DNAH9: variants seen among roughly 807,000 people sequenced by gnomAD.
DNAH9 encodes DNAH9 variant protein.
DNAH9 carries 345 observed loss-of-function variants against 471.6 expected under a neutral mutation model. The observed-to-expected ratio is 0.73, with a 90% CI of 0.67 to 0.80. DNAH9 has a LOEUF of 0.80. Among genes scored for constraint, DNAH9 ranks in the 30% least tolerant of loss-of-function variants. The pLI, the probability that DNAH9 is intolerant of heterozygous loss-of-function variation, is 0.00. For synonymous variants in DNAH9, 2,093 were observed against 2,123.6 expected (o/e 0.99, Z 0.40); for missense variants, 5,407 against 5,609.2 (o/e 0.96, Z 1.15).
Position 11,929,943 on chromosome 17 carries a change from G to A in DNAH9, c.11955G>A (p.Glu3985=), listed in dbSNP as rs774679877. The A allele has an allele frequency of 1.1e-5, 18 of 1,613,940 alleles. No homozygotes were observed. Among genetic ancestry groups the A allele is most frequent in the Non-Finnish European group, 3.4e-6 (4 of 1,180,004 alleles). The change falls in exon 63 of 69, where the codon GAG becomes GAA. Residue 3985 remains glutamate (E), a synonymous_variant. Transcript: ENST00000262442. ...LEEHSENSHP[E]FRVFMSAEPA... is the part of the protein sequence containing the mutation. ...AGCACAGTGAGAACAGCCACCCAGA[G>A]TTCAGGGTCTTCATGAGTGCAGAGC...
intron 50 of DNAH9, among the ~76,000 whole-genome samples, chr17:11,863,029 C>T (rs1476873763): frequency 1.3e-5 from 2 of 152,116 alleles, no homozygotes; most frequent in African/African-American, 2.4e-5. Context: ...TCCTGCCTAA[C>T]TGCCCTGGAC....
intron 67 of DNAH9, among the ~76,000 whole-genome samples, chr17:11,952,989 G>A (rs192321183): frequency 4.6e-5 from 7 of 152,322 alleles, no homozygotes; most frequent in Admixed American, 1.3e-4. Context: ...CAGGGAGGCA[G>A]AGCCAGAAAA....
At chr17:11,761,717 G>T (rs12936861) in intron 35 of DNAH9, among the ~76,000 whole-genome samples, 45,744 of 151,808 alleles carry the variant, frequency 0.3, 7,167 homozygotes, top group South Asian at 0.37. Flanking sequence ...CCAGGCAAGA[G>T]TCCTTCACCA....
chr17:11,810,814 G>A (rs1969868572), intron 45 of DNAH9, among the ~76,000 whole-genome samples: 1 of 152,194 alleles, frequency 6.6e-6, no homozygotes, highest in African/African-American at 2.4e-5. Context: ...GGCAAGATGA[G>A]GTTACCAATG....
At chr17:11,710,483 G>T (rs2074809986) in intron 26 of DNAH9, among the ~76,000 whole-genome samples, 1 of 152,072 alleles carries the variant, frequency 6.6e-6, no homozygotes, top group South Asian at 2.1e-4. Flanking sequence ...AGTATTAATT[G>T]CACAACACCC....
intron 13 of DNAH9, among the ~76,000 whole-genome samples, chr17:11,651,556 G>T (rs2150701553): frequency 6.6e-6 from 1 of 151,960 alleles, no homozygotes; most frequent in African/African-American, 2.4e-5. Flanking sequence ...ATGCATGTTG[G>T]GAGGCTCAGA....
At chr17:11,941,967 C>G (rs1254416881) in intron 66 of DNAH9, among the ~76,000 whole-genome samples, 1 of 152,234 alleles carries the variant, frequency 6.6e-6, no homozygotes, top group Non-Finnish European at 1.5e-5. Context: ...CCAAGTCTGT[C>G]TTATGGCTTT....
At chr17:11,611,995 A>C (rs1220011643) in intron 4 of DNAH9, 1 of 610,688 alleles carries the variant, frequency 1.6e-6, no homozygotes, top group Non-Finnish European at 2.9e-6. Flanking sequence ...ATGGCCTGGG[A>C]AAATTCACCT....
chr17:11,602,911 G>C (rs2072415681), intron 1 of DNAH9, among the ~76,000 whole-genome samples: 1 of 152,114 alleles, frequency 6.6e-6, no homozygotes, highest in Non-Finnish European at 1.5e-5. Flanking sequence ...CTTTGATCCT[G>C]CTGGGAGCTC....
At chr17:11,628,551 G>A (rs1597405556) in intron 6 of DNAH9, among the ~76,000 whole-genome samples, 1 of 152,224 alleles carries the variant, frequency 6.6e-6, no homozygotes, top group Non-Finnish European at 1.5e-5. Flanking sequence ...TGGCGGCAGG[G>A]TGTAACATCC....
intron 26 of DNAH9, among the ~76,000 whole-genome samples, chr17:11,708,012 CACAGAGAG>C (rs1401363434): frequency 4.6e-4 from 23 of 50,096 alleles, no homozygotes; most frequent in Admixed American, 2.4e-3. Context: ...CACACACACA[CACAGAGAG>C]AGAGAGAGAG....
intron 65 of DNAH9, among the ~76,000 whole-genome samples, chr17:11,935,961 G>A (rs1974699805): frequency 6.6e-6 from 1 of 152,178 alleles, no homozygotes; most frequent in African/African-American, 2.4e-5. Flanking sequence ...GGAAAATTGT[G>A]CAACAGCGTC....
chr17:11,799,588 TTTG>T (rs1307358940), intron 43 of DNAH9, among the ~76,000 whole-genome samples: 6 of 152,070 alleles, frequency 3.9e-5, no homozygotes, highest in South Asian at 2.1e-4. Context: ...ACTGTCTTTT[TTTG>T]TTGTTGTTGT....
chr17:11,874,052 C>A lies in DNAH9; in HGVS notation c.10243-897C>A, dbSNP rs538250965. Among the ~76,000 whole-genome samples the A allele has an allele frequency of 3.9e-5, 6 of 152,130 alleles. No homozygotes were observed. The East Asian group carries it at 9.7e-4, about 25-fold the overall frequency. On this transcript the variant is annotated intron_variant, in intron 52 of 68. Coordinates refer to ENST00000262442, the MANE Select transcript of DNAH9 (RefSeq NM_001372.4). ...CTGAGGTCAGGAGTTCGAGACCAGC[C>A]TGTCCAACATGGTGAAACCTCGTCT...
At chr17:11,603,494 G>A (rs2150627145) in intron 1 of DNAH9, among the ~76,000 whole-genome samples, 1 of 152,284 alleles carries the variant, frequency 6.6e-6, no homozygotes, top group East Asian at 1.9e-4. Context: ...GAGGTAAACT[G>A]TTTGTGCTGC....
chr17:11,749,086 G>GT lies in DNAH9; in HGVS notation c.6610+1336dup, dbSNP rs1357238487. On this transcript the variant is annotated intron_variant, in intron 32 of 68. Transcript: ENST00000262442. ...AGGGTTTTTTTTTGTTTTTTTTTTT[G>GT]TTTTTTTTTTTTTTTTGAGACAGAG... is the stretch of plus-strand genomic sequence containing the variant. Among the ~76,000 whole-genome samples, 103 of 20,532 alleles carry GT rather than the reference G, an allele frequency of 5.0e-3. 2 individuals are homozygous for GT. The highest frequency in any genetic ancestry group is 0.014 in the African/African-American group (95 of 7,018). The allele number at this position is 20,532 out of a possible 152,430, so 13.5% of individuals were successfully genotyped here. A position where few individuals can be genotyped will look rare whatever the true frequency, so the allele number is the denominator to read the frequency against.
intron 27 of DNAH9, among the ~76,000 whole-genome samples, chr17:11,724,734 G>A (rs543501248): frequency 6.6e-6 from 1 of 152,188 alleles, no homozygotes; most frequent in Non-Finnish European, 1.5e-5. Context: ...TTGGCATGAG[G>A]GACCAGTTTC....
intron 32 of DNAH9, among the ~76,000 whole-genome samples, chr17:11,750,114 G>A (rs942453267): frequency 1.3e-5 from 2 of 151,980 alleles, no homozygotes; most frequent in Admixed American, 6.6e-5. Flanking sequence ...AGGTAACTTC[G>A]AAGTAAATGG....
In DNAH9 at chr17:11,871,668, C is replaced by G. The variant is rs781274437; in HGVS notation, c.10124C>G (p.Thr3375Arg). The G allele has an allele frequency of 1.5e-5, 24 of 1,614,062 alleles. No individual in the cohort carries two copies. In the African/African-American group the frequency reaches 2.8e-4, roughly 19 times the overall value. Residue 3375 changes from threonine (T) to arginine (R), a missense_variant, in exon 52 of 69, where the codon ACG (threonine) becomes AGG (arginine). Thr to Arg is a moderately conservative substitution (Grantham distance 71). Transcript: ENST00000262442. ...AVQNFKQQER[T>R]LCGDILLITA... is the part of the protein sequence containing the mutation. ...CAGAACTTCAAACAGCAGGAAAGGA[C>G]GTTATGTGGAGACATTTTACTTATA...
Sources: gnomAD v4.1 joint callset for allele counts (sites outside exome capture counted in the v4.1 genomes callset) on GRCh38, gnomAD v4.1.1 for gene constraint, MANE v1.5 for transcripts, NCBI Gene and HGNC (gene_info 2026-07-23, HGNC 2026-07-21) for gene names.